The following SLC26A4 variants were observed in gnomAD, a reference collection of about 807,000 sequenced individuals.
SLC26A4 encodes solute carrier family 26 member 4.
Under a neutral mutation model 90.4 loss-of-function variants are expected in SLC26A4, and 93 were observed. The observed-to-expected ratio is 1.03, with a 90% CI of 0.87 to 1.22. The LOEUF is 1.22. Among genes scored for constraint, SLC26A4 ranks in the 50% most tolerant of loss-of-function variants. The pLI is 0.00. For synonymous variants in SLC26A4, 393 were observed against 354.6 expected (o/e 1.11, Z -1.22); for missense variants, 1,127 against 946.2 (o/e 1.19, Z -2.51).
At chr7:107,665,823 G>A (rs796447700) in intron 3 of SLC26A4, among the ~76,000 whole-genome samples, 6 of 152,218 alleles carry the variant, frequency 3.9e-5, no homozygotes, top group East Asian at 3.9e-4. Context: ...CCAGGGTCAC[G>A]TGGCTGGTAA....
intron 6 of SLC26A4, among the ~76,000 whole-genome samples, chr7:107,676,707 T>C (rs1791033079): frequency 6.6e-6 from 1 of 152,236 alleles, no homozygotes; most frequent in African/African-American, 2.4e-5. Flanking sequence ...TAAGGCCATG[T>C]ACACATATCT....
In SLC26A4 at chr7:107,715,811, A is replaced by T; in HGVS notation, c.*365A>T. On this transcript the variant is annotated 3_prime_UTR_variant, in exon 21 of 21. Coordinates refer to ENST00000644269, the MANE Select transcript of SLC26A4 (RefSeq NM_000441.2). ...AAGCGAGTCACGAATGATTAATCATAAAGAAAAATCAGTTTTTGACTGACC... is the reference window on the plus strand; with the variant it reads ...AAGCGAGTCACGAATGATTAATCATTAAGAAAAATCAGTTTTTGACTGACC... 2 of 284,466 alleles carry T rather than the reference A, an allele frequency of 7.0e-6. No individual in the cohort carries two copies. 17.6% of individuals were successfully genotyped at this position (284,466 alleles called of 1,614,324 possible).
intron 2 of SLC26A4, among the ~76,000 whole-genome samples, chr7:107,662,966 T>C (rs896457628): frequency 6.6e-6 from 1 of 152,208 alleles, no homozygotes; most frequent in African/African-American, 2.4e-5. Flanking sequence ...GTCTGAAAAG[T>C]AATCTCCATT....
chr7:107,715,778 C>G lies in SLC26A4; in HGVS notation c.*332C>G, dbSNP rs934016761. The G allele has an allele frequency of 2.6e-6, 1 of 380,496 alleles. No individual in the cohort carries two copies. Among genetic ancestry groups the G allele is most frequent in the African/African-American group, 2.0e-5 (1 of 50,030 alleles). 23.6% of individuals were successfully genotyped at this position (380,496 alleles called of 1,614,324 possible). A position where few individuals can be genotyped will look rare whatever the true frequency, so the allele number is the denominator to read the frequency against. On this transcript the variant is annotated 3_prime_UTR_variant, in exon 21 of 21. Transcript: ENST00000644269. Reference sequence around the variant, plus strand: ...AGAGTGAGTGCTGACCCAACAGCCTCTGTGGTCAAGCGAGTCACGAATGAT... The same window carrying G: ...AGAGTGAGTGCTGACCCAACAGCCTGTGTGGTCAAGCGAGTCACGAATGAT...
chr7:107,686,412 T>TCTTTCTTC (rs1255258017), intron 8 of SLC26A4, among the ~76,000 whole-genome samples: 1 of 50,896 alleles, frequency 2.0e-5, no homozygotes. Flanking sequence ...CTTTTTTCTT[T>TCTTTCTTC]CTTTCTTTCT....
rs1792329912 is a variant in SLC26A4 at position 107,715,754 on chromosome 7, G to C, written c.*308G>C. 2.2e-6 allele frequency: 1 copy of C among 448,854 alleles called. No individual in the cohort carries two copies. The highest frequency in any genetic ancestry group is 2.8e-5 in the South Asian group (1 of 35,294). The allele number at this position is 448,854 out of a possible 1,614,324, so 27.8% of individuals were successfully genotyped here. On this transcript the variant is annotated 3_prime_UTR_variant, in exon 21 of 21. Coordinates refer to ENST00000644269, the MANE Select transcript of SLC26A4 (RefSeq NM_000441.2). The stretch of plus-strand genomic sequence containing the variant: ...GCCCTGGCATATCTCTGTTCAGTTA[G>C]AGTGAGTGCTGACCCAACAGCCTCT...
At chr7:107,675,224 G>T in intron 6 of SLC26A4, 115 bp downstream of exon 6, 1 of 919,164 alleles carries the variant, frequency 1.1e-6, no homozygotes, top group Non-Finnish European at 1.7e-6. Flanking sequence ...CCAGCACTTT[G>T]GAAGGCCGAG....
intron 6 of SLC26A4, among the ~76,000 whole-genome samples, chr7:107,677,815 C>A (rs777365048): frequency 6.6e-6 from 1 of 152,038 alleles, no homozygotes; most frequent in Non-Finnish European, 1.5e-5. Flanking sequence ...CAATGTCTTG[C>A]TATGTTGCCC....
At chr7:107,665,635 A>C (rs1451459106) in intron 3 of SLC26A4, among the ~76,000 whole-genome samples, 7 of 152,194 alleles carry the variant, frequency 4.6e-5, no homozygotes, top group Non-Finnish European at 1.0e-4. Context: ...TTCATGCTCC[A>C]TGTCTCCCCA....
In SLC26A4 at chr7:107,694,731, A is replaced by G; in HGVS notation, c.1437+15A>G. On this transcript the variant is annotated intron_variant, in intron 12 of 20. Coordinates refer to ENST00000644269, the MANE Select transcript of SLC26A4 (RefSeq NM_000441.2). The stretch of plus-strand genomic sequence containing the variant: ...AGATTGATGCTGTAAGTCACCTACC[A>G]CCTATATTTATCTGAAATAAGATTT... 1.3e-6 allele frequency: 2 copies of G among 1,524,406 alleles called. No homozygotes were observed. The highest frequency in any genetic ancestry group is 1.8e-6 in the Non-Finnish European group (2 of 1,098,376). The allele number at this position is 1,524,406 out of a possible 1,614,324, so 94.4% of individuals were successfully genotyped here.
chr7:107,677,781 T>C (rs77680375), intron 6 of SLC26A4, among the ~76,000 whole-genome samples: 40 of 152,066 alleles, frequency 2.6e-4, no homozygotes, highest in Non-Finnish European at 5.0e-4. Flanking sequence ...AATTTTCTTT[T>C]TCTTTGTTGA....
chr7:107,693,307 G>T lies in SLC26A4; in HGVS notation c.1264-1096G>T, dbSNP rs182028604. ...AAAGCCAGCCAGACATACAAAGCAC[G>T]CTTTTTAGTACCTCATACACATCAT... is the stretch of plus-strand genomic sequence containing the variant. On this transcript the variant is annotated intron_variant, in intron 10 of 20. Transcript: ENST00000644269. 1.4e-5 allele frequency: 14 copies of T among 985,226 alleles called. No individual in the cohort carries two copies. In the Admixed American group the frequency reaches 5.5e-4, roughly 39 times the overall value. 61.0% of individuals were successfully genotyped at this position (985,226 alleles called of 1,614,324 possible).
rs539427844 is a variant in SLC26A4 at position 107,672,488 on chromosome 7, T to G, written c.415+240T>G. ...TTCTATTCACTGATGTTAGGTAACTTTTTTAATGAAGTGGAAAAATAAAAA... is the reference window on the plus strand; with the variant it reads ...TTCTATTCACTGATGTTAGGTAACTGTTTTAATGAAGTGGAAAAATAAAAA... On this transcript the variant is annotated intron_variant, in intron 4 of 20. Coordinates refer to ENST00000644269, the MANE Select transcript of SLC26A4 (RefSeq NM_000441.2). Among the ~76,000 whole-genome samples the G allele has an allele frequency of 2.6e-5, 4 of 151,902 alleles. No homozygotes were observed. The East Asian group carries it at 7.8e-4, about 29-fold the overall frequency.
At chr7:107,671,255 T>C (rs550390309) in intron 3 of SLC26A4, among the ~76,000 whole-genome samples, 128 of 152,322 alleles carry the variant, frequency 8.4e-4, no homozygotes, top group African/African-American at 2.9e-3. Context: ...CTCAAACTCC[T>C]GGGCTCAAAC....
Position 107,704,405 on chromosome 7 carries a change from T to C in SLC26A4, c.2089+20T>C. The C allele has an allele frequency of 9.4e-7, 1 of 1,058,292 alleles. No individual in the cohort carries two copies. Among genetic ancestry groups the C allele is most frequent in the Non-Finnish European group, 1.5e-6 (1 of 679,366 alleles). 65.6% of individuals were successfully genotyped at this position (1,058,292 alleles called of 1,614,324 possible). On this transcript the variant is annotated intron_variant, in intron 18 of 20. Transcript: ENST00000644269. ...TTCAAGGTAAATACATATATCTACA[T>C]ATCTACCTGTAAGACTTTCCCGTAA...
At chr7:107,700,018 A>G (rs1400667963) in intron 14 of SLC26A4, 65 bp from the exon 15 acceptor site, 10 of 957,204 alleles carry the variant, frequency 1.0e-5, no homozygotes, top group Non-Finnish European at 1.7e-5. Context: ...CTAAGTAGCC[A>G]GAAATGTAAT....
intron 10 of SLC26A4, 32 bp downstream of exon 10, chr7:107,690,269 A>C: frequency 5.6e-6 from 7 of 1,261,212 alleles, no homozygotes; most frequent in South Asian, 2.4e-5. Context: ...TATCCATCTC[A>C]GAGAACAAGT....
intron 6 of SLC26A4, among the ~76,000 whole-genome samples, chr7:107,678,731 T>C (rs1380901235): frequency 9.6e-6 from 1 of 103,816 alleles, no homozygotes; most frequent in African/African-American, 3.7e-5. Flanking sequence ...ATAAGTTTGC[T>C]CTTCTGAAAA....
chr7:107,697,014 T>C (rs1791761412), intron 13 of SLC26A4, among the ~76,000 whole-genome samples: 1 of 152,220 alleles, frequency 6.6e-6, no homozygotes, highest in Non-Finnish European at 1.5e-5. Flanking sequence ...CTTGGCATAT[T>C]GGTGCCTACC....
Sources: gnomAD v4.1 joint callset for allele counts (sites outside exome capture counted in the v4.1 genomes callset) on GRCh38, gnomAD v4.1.1 for gene constraint, MANE v1.5 for transcripts, NCBI Gene and HGNC (gene_info 2026-07-23, HGNC 2026-07-21) for gene names.